Variants in UTRN observed in about 807,000 individuals in gnomAD.
UTRN encodes the protein dystrophin-related protein 1.
Under a neutral mutation model 463.9 loss-of-function variants are expected in UTRN, and 283 were observed. The ratio of observed to expected loss-of-function variants is 0.61; its 90% CI spans 0.55 to 0.67. UTRN has a LOEUF of 0.67. Among genes scored for constraint, UTRN ranks in the 30% least tolerant of loss-of-function variants. The pLI is 0.00. For synonymous variants in UTRN, 1,442 were observed against 1,431.5 expected (o/e 1.01, Z -0.17); for missense variants, 3,922 against 4,084.3 (o/e 0.96, Z 1.08).
At chr6:144,698,984 GA>G (rs1784290798) in intron 52 of UTRN, among the ~76,000 whole-genome samples, 1 of 152,184 alleles carries the variant, frequency 6.6e-6, no homozygotes, top group East Asian at 1.9e-4. Flanking sequence ...TTTGTCACTA[GA>G]CATTGGTCAA....
intron 23 of UTRN, 48 bp downstream of exon 23, chr6:144,462,914 G>A (rs181941867): frequency 3.7e-6 from 5 of 1,368,144 alleles, no homozygotes; most frequent in Non-Finnish European, 5.1e-6. Flanking sequence ...GGGGTAAATA[G>A]TAATTATCTT....
At chr6:144,516,774 C>A in intron 38 of UTRN, 37 bp from the exon 39 acceptor site, 1 of 1,393,088 alleles carries the variant, frequency 7.2e-7, no homozygotes, top group Non-Finnish European at 9.3e-7. Flanking sequence ...ATGCATTTTT[C>A]TTTTGAGTCA....
chr6:144,287,870 G>A (rs980145792), intron 1 of UTRN, among the ~76,000 whole-genome samples: 1 of 152,216 alleles, frequency 6.6e-6, no homozygotes, highest in African/African-American at 2.4e-5. Context: ...AATTGCATTT[G>A]TATAGGGCTT....
chr6:144,793,708 G>A lies in UTRN; in HGVS notation c.8921-126G>A, dbSNP rs577234288. ...AGGTCATTGGAATTCAGGAGACAAC[G>A]AATCAGATTCATGTCCTTCTGAAAT... On this transcript the variant is annotated intron_variant, in intron 62 of 74. Transcript: ENST00000367545. The A allele has an allele frequency of 2.0e-3, 2,333 of 1,150,324 alleles. 3 individuals carry two copies. The highest frequency in any genetic ancestry group is 2.6e-3 in the Non-Finnish European group (2,124 of 819,314). 71.3% of individuals were successfully genotyped at this position (1,150,324 alleles called of 1,614,324 possible).
chr6:144,364,453 G>C (rs140838903), intron 2 of UTRN, among the ~76,000 whole-genome samples: 1 of 152,076 alleles, frequency 6.6e-6, no homozygotes, highest in Non-Finnish European at 1.5e-5. Context: ...GTGTGTGGGT[G>C]CTAATGTACT....
chr6:144,524,168 A>G (rs1796360642), intron 41 of UTRN, among the ~76,000 whole-genome samples: 1 of 152,196 alleles, frequency 6.6e-6, no homozygotes. Flanking sequence ...CCTTGAAAAG[A>G]TAGCTTTTAG....
At chr6:144,633,852 T>G (rs1776811343) in intron 51 of UTRN, among the ~76,000 whole-genome samples, 2 of 152,232 alleles carry the variant, frequency 1.3e-5, no homozygotes, top group South Asian at 4.1e-4. Context: ...AAAAATAATA[T>G]TTTGCAATTT....
At chr6:144,783,011 C>T (rs1229645725) in intron 61 of UTRN, among the ~76,000 whole-genome samples, 13 of 152,124 alleles carry the variant, frequency 8.5e-5, no homozygotes, top group Admixed American at 2.0e-4. Flanking sequence ...GCCTGACCAA[C>T]GTGGTGAAAC....
chr6:144,732,300 A>G (rs1312457122), intron 54 of UTRN, among the ~76,000 whole-genome samples: 2 of 116,720 alleles, frequency 1.7e-5, no homozygotes, highest in African/African-American at 2.9e-5. Context: ...ATATATACAC[A>G]TATATATATA....
intron 53 of UTRN, among the ~76,000 whole-genome samples, chr6:144,717,889 C>G (rs1399945772): frequency 1.3e-5 from 2 of 152,050 alleles, no homozygotes; most frequent in Admixed American, 1.3e-4. Flanking sequence ...CCCGCCTCAG[C>G]CTCCCAAAGT....
intron 10 of UTRN, 124 bp from the exon 11 acceptor site, chr6:144,437,441 C>T (rs368666917): frequency 1.7e-4 from 145 of 851,722 alleles, no homozygotes; most frequent in Non-Finnish European, 1.5e-4. Context: ...ATTTTATTTG[C>T]GCTCTACTAG....
At chr6:144,364,950 G>T (rs1166408788) in intron 2 of UTRN, among the ~76,000 whole-genome samples, 1 of 152,180 alleles carries the variant, frequency 6.6e-6, no homozygotes, top group African/African-American at 2.4e-5. Context: ...ATTTCACTGG[G>T]CACACCAGGC....
intron 54 of UTRN, among the ~76,000 whole-genome samples, chr6:144,739,914 A>C (rs1234402988): frequency 6.6e-6 from 1 of 152,204 alleles, no homozygotes; most frequent in Non-Finnish European, 1.5e-5. Flanking sequence ...CCAATCCCAT[A>C]AAGGAAGGGG....
intron 2 of UTRN, among the ~76,000 whole-genome samples, chr6:144,355,688 G>A (rs1778489722): frequency 6.6e-6 from 1 of 152,004 alleles, no homozygotes; most frequent in African/African-American, 2.4e-5. Context: ...TTGCAAAGAT[G>A]GTATGTAAAG....
chr6:144,289,210 C>T (rs1351800057), intron 1 of UTRN, among the ~76,000 whole-genome samples: 1 of 152,200 alleles, frequency 6.6e-6, no homozygotes, highest in African/African-American at 2.4e-5. Flanking sequence ...TCAGTGTTGC[C>T]CAGCTCAATG....
chr6:144,357,108 T>C (rs1778630399), intron 2 of UTRN, among the ~76,000 whole-genome samples: 1 of 152,180 alleles, frequency 6.6e-6, no homozygotes, highest in Non-Finnish European at 1.5e-5. Flanking sequence ...TTCCTGACAC[T>C]GCAGCCTCGA....
At chr6:144,364,360 C>G (rs1020466280) in intron 2 of UTRN, among the ~76,000 whole-genome samples, 21 of 152,176 alleles carry the variant, frequency 1.4e-4, no homozygotes, top group African/African-American at 4.8e-4. Context: ...TATGTTTCCC[C>G]CTGAGAGGTA....
intron 71 of UTRN, among the ~76,000 whole-genome samples, chr6:144,838,643 T>C (rs1781302965): frequency 6.6e-6 from 1 of 152,202 alleles, no homozygotes; most frequent in South Asian, 2.1e-4. Flanking sequence ...AACACAGCAC[T>C]ATTATTACCC....
intron 51 of UTRN, among the ~76,000 whole-genome samples, chr6:144,621,143 A>T (rs1434559948): frequency 6.6e-6 from 1 of 152,208 alleles, no homozygotes; most frequent in East Asian, 1.9e-4. Context: ...GTTGTTGTCA[A>T]GATTAAATGA....
Sources: allele counts gnomAD v4.1 joint callset (sites outside exome capture counted in the v4.1 genomes callset), GRCh38; gene constraint gnomAD v4.1.1; transcripts MANE v1.5; gene names NCBI Gene and HGNC (gene_info 2026-07-23, HGNC 2026-07-21).